Variants in MARK2 observed in about 807,000 individuals in gnomAD.
The protein encoded by MARK2 is microtubule affinity regulating kinase 2.
MARK2 carries 16 observed loss-of-function variants against 89.8 expected under a neutral mutation model. That is an observed-to-expected ratio of 0.18 (90% CI 0.12 to 0.27). MARK2 has a LOEUF of 0.27. Ranked by LOEUF, MARK2 falls within the 10% of genes least tolerant of loss-of-function variation. The pLI is 1.00. For synonymous variants in MARK2, 382 were observed against 399.5 expected (o/e 0.96, Z 0.52); for missense variants, 621 against 1,049.9 (o/e 0.59, Z 5.65).
chr11:63,902,623 C>G lies in MARK2; in HGVS notation c.1257C>G (p.Thr419=). The change falls in exon 13 of 19, where the codon ACC becomes ACG. Residue 419 remains threonine, a synonymous_variant. Transcript: ENST00000402010. The surrounding 1 kb of genome is among the most constrained non-coding windows in gnomAD (Gnocchi z 4.2). The part of the protein sequence containing the change: ...SDQAAGPAIP[T]SNSYSKKTQS... ...CAGCAGCTGGTCCTGCCATTCCCAC[C>G]TCTAATTCTTACTCTAAGAAGACTC... The G allele has an allele frequency of 2.5e-6, 4 of 1,614,054 alleles. No individual in the cohort carries two copies. The highest frequency in any genetic ancestry group is 3.4e-6 in the Non-Finnish European group (4 of 1,179,984).
At chr11:63,890,725 C>T (rs1355887107) in intron 1 of MARK2, among the ~76,000 whole-genome samples, 2 of 152,256 alleles carry the variant, frequency 1.3e-5, no homozygotes, top group African/African-American at 2.4e-5. Flanking sequence ...GACAGTGAGA[C>T]TTCTGGATTG....
chr11:63,904,172 C>G lies in MARK2; in HGVS notation c.1676+25C>G. On this transcript the variant is annotated intron_variant, in intron 15 of 18. Transcript: ENST00000402010. This position sits in a 1 kb window ranked among gnomAD's most constrained non-coding sequence, Gnocchi z 6.3. ...GGCAAGTGTGCTGGGGCAGCTGGTG[C>G]ACCTGCTGCCCTCAGCCCACCCTAC... 1 of 1,536,716 alleles carries G rather than the reference C, an allele frequency of 6.5e-7. No individual in the cohort carries two copies. The highest frequency in any genetic ancestry group is 1.2e-5 in the South Asian group (1 of 84,764).
In MARK2 at chr11:63,900,594, T is replaced by C; in HGVS notation, c.804T>C (p.Arg268=). ...AACGGGTACTGAGGGGAAAATACCG[T>C]ATTCCATTCTACATGTCCACGGACT... The part of the protein sequence containing the change: ...LRERVLRGKY[R]IPFYMSTDCE... Residue 268 remains arginine (R), a synonymous_variant, in exon 9 of 19, where the codon CGT becomes CGC. Transcript: ENST00000402010. This position sits in a 1 kb window ranked among gnomAD's most constrained non-coding sequence, Gnocchi z 4.7. The C allele has an allele frequency of 2.5e-6, 4 of 1,614,100 alleles. No individual in the cohort carries two copies. The highest frequency in any genetic ancestry group is 3.4e-6 in the Non-Finnish European group (4 of 1,179,990).
intron 1 of MARK2, among the ~76,000 whole-genome samples, chr11:63,858,482 T>C (rs1281494602): frequency 5.3e-5 from 8 of 152,084 alleles, no homozygotes; most frequent in African/African-American, 1.9e-4. Context: ...GCCTCTTGAG[T>C]AGCTGGGATT....
chr11:63,842,408 C>T (rs944018969), intron 1 of MARK2, among the ~76,000 whole-genome samples: 4 of 151,932 alleles, frequency 2.6e-5, no homozygotes, highest in Non-Finnish European at 4.4e-5. Flanking sequence ...GTAGAGACAG[C>T]GTTTCACCAT....
At chr11:63,868,263 G>A (rs1229314609) in intron 1 of MARK2, among the ~76,000 whole-genome samples, 1 of 151,906 alleles carries the variant, frequency 6.6e-6, no homozygotes, top group Admixed American at 6.6e-5. Context: ...GTGGTGGTGC[G>A]GGCCTGTAGT....
At chr11:63,867,537 G>A (rs1437447644) in intron 1 of MARK2, among the ~76,000 whole-genome samples, 1 of 152,208 alleles carries the variant, frequency 6.6e-6, no homozygotes, top group Non-Finnish European at 1.5e-5. Context: ...GTTGTAAGGG[G>A]CTTTTTCCAA....
At chr11:63,881,571 A>T (rs1939093055) in intron 1 of MARK2, among the ~76,000 whole-genome samples, 1 of 152,170 alleles carries the variant, frequency 6.6e-6, no homozygotes, top group Non-Finnish European at 1.5e-5. Context: ...ACTGTTGGGC[A>T]CTGAGGGTAT....
chr11:63,861,106 C>G (rs1937743878), intron 1 of MARK2, among the ~76,000 whole-genome samples: 1 of 152,138 alleles, frequency 6.6e-6, no homozygotes, highest in Admixed American at 6.6e-5. Flanking sequence ...GTGCTATTTT[C>G]TCTCTTCGGC....
In MARK2 at chr11:63,904,671, G is replaced by A. The variant is rs750865461; in HGVS notation, c.1677-115G>A. The A allele has an allele frequency of 2.5e-5, 21 of 826,864 alleles. No homozygotes were observed. The highest frequency in any genetic ancestry group is 4.3e-5 in the Non-Finnish European group (21 of 489,326). 51.2% of individuals were successfully genotyped at this position (826,864 alleles called of 1,614,324 possible). ...CCCTTCCTTCTGTGTCCTCGTGATG[G>A]CTGCCTCTGCCCTAGCATCCCCCTC... On this transcript the variant is annotated intron_variant, in intron 15 of 18. Coordinates refer to ENST00000402010, the MANE Select transcript of MARK2 (RefSeq NM_001039469.3). This position sits in a 1 kb window ranked among gnomAD's most constrained non-coding sequence, Gnocchi z 6.3.
rs749472075 is a variant in MARK2, at chr11:63,903,936, C to T, written c.1515-50C>T. 15 of 1,508,078 alleles carry T rather than the reference C, an allele frequency of 9.9e-6. No individual in the cohort carries two copies. The highest frequency in any genetic ancestry group is 2.5e-5 in the South Asian group (2 of 79,782). 93.4% of individuals were successfully genotyped at this position (1,508,078 alleles called of 1,614,324 possible). On this transcript the variant is annotated intron_variant, in intron 14 of 18. Coordinates refer to ENST00000402010, the MANE Select transcript of MARK2 (RefSeq NM_001039469.3). This position sits in a 1 kb window ranked among gnomAD's most constrained non-coding sequence, Gnocchi z 5.1. ...CCCTTGCTTCCTAATCCAGGCCTCCCGCCCTCACTCACCCCTAACACGGGC... is the reference window on the plus strand; with the variant it reads ...CCCTTGCTTCCTAATCCAGGCCTCCTGCCCTCACTCACCCCTAACACGGGC...
At chr11:63,864,189 C>T (rs11231624) in intron 1 of MARK2, among the ~76,000 whole-genome samples, 73,072 of 151,650 alleles carry the variant, frequency 0.48, 19,811 homozygotes, top group East Asian at 0.88. Flanking sequence ...CTCCTGACCT[C>T]GTCATCTGCC....
At chr11:63,876,054 C>T (rs1938733710) in intron 1 of MARK2, among the ~76,000 whole-genome samples, 1 of 152,144 alleles carries the variant, frequency 6.6e-6, no homozygotes, top group African/African-American at 2.4e-5. Flanking sequence ...ACATCTAGGG[C>T]GGGATGTGTG....
chr11:63,856,024 A>G (rs963996909), intron 1 of MARK2, among the ~76,000 whole-genome samples: 2 of 152,228 alleles, frequency 1.3e-5, no homozygotes, highest in Non-Finnish European at 2.9e-5. Context: ...TTTTTTAAGC[A>G]TATAAAGAGT....
At chr11:63,889,083 A>G in intron 1 of MARK2, 1 of 672,684 alleles carries the variant, frequency 1.5e-6, no homozygotes, top group Non-Finnish European at 2.3e-6. Context: ...GCATAGTAAT[A>G]TTCATGGGAA....
chr11:63,898,544 T>C, intron 4 of MARK2, 64 bp from the exon 5 acceptor site: 2 of 1,254,210 alleles, frequency 1.6e-6, no homozygotes, highest in Middle Eastern at 1.9e-4. Flanking sequence ...CTCCTGGACA[T>C]GTTGGAGAGC....
chr11:63,902,493 T>C lies in MARK2; in HGVS notation c.1235-108T>C. On this transcript the variant is annotated intron_variant, in intron 12 of 18. Coordinates refer to ENST00000402010, the MANE Select transcript of MARK2 (RefSeq NM_001039469.3). This position sits in a 1 kb window ranked among gnomAD's most constrained non-coding sequence, Gnocchi z 4.2. Reference sequence around the variant, plus strand: ...CTTCCCTTCCCTCGCCTCTGTGGAATGGGGGCTTGCTGGGTTGTTGGCCAG... The same window carrying C: ...CTTCCCTTCCCTCGCCTCTGTGGAACGGGGGCTTGCTGGGTTGTTGGCCAG... The C allele has an allele frequency of 6.5e-6, 9 of 1,381,784 alleles. No homozygotes were observed. The highest frequency in any genetic ancestry group is 5.2e-5 in the South Asian group (4 of 77,344). 85.6% of individuals were successfully genotyped at this position (1,381,784 alleles called of 1,614,324 possible).
intron 1 of MARK2, among the ~76,000 whole-genome samples, chr11:63,863,898 C>T (rs532786586): frequency 1.4e-4 from 22 of 152,212 alleles, no homozygotes; most frequent in African/African-American, 4.8e-4. Flanking sequence ...GCCCCCTGAG[C>T]ACCTGGGGAC....
chr11:63,894,626 G>A (rs1940207924), intron 1 of MARK2, among the ~76,000 whole-genome samples: 1 of 152,216 alleles, frequency 6.6e-6, no homozygotes, highest in Non-Finnish European at 1.5e-5. Context: ...AACCCGGGAG[G>A]TGGAGGTTGC....
Sources: allele counts gnomAD v4.1 joint callset (sites outside exome capture counted in the v4.1 genomes callset), GRCh38; gene constraint gnomAD v4.1.1; non-coding constraint Gnocchi (gnomAD v3.1); transcripts MANE v1.5; gene names NCBI Gene and HGNC (gene_info 2026-07-23, HGNC 2026-07-21).